Variants in RPS6KA5 observed in about 807,000 individuals in gnomAD.
RPS6KA5 encodes the protein ribosomal protein S6 kinase A5, also known as ribosomal protein S6 kinase alpha-5.
A neutral mutation model predicts 85.5 loss-of-function variants in RPS6KA5; 27 were observed. That is an observed-to-expected ratio of 0.32 (90% CI 0.23 to 0.44). The LOEUF (loss-of-function observed/expected upper bound fraction) is 0.44. RPS6KA5 is among the 20% of genes least tolerant of loss of function. The pLI is 1.00. For synonymous variants in RPS6KA5, 334 were observed against 348.2 expected (o/e 0.96, Z 0.46); for missense variants, 811 against 980.9 (o/e 0.83, Z 2.31).
chr14:90,998,857 T>A (rs952089179), intron 2 of RPS6KA5, among the ~76,000 whole-genome samples: 1 of 152,172 alleles, frequency 6.6e-6, no homozygotes, highest in Non-Finnish European at 1.5e-5. Flanking sequence ...AGGGAGGTTA[T>A]AAAGACCTCA....
intron 1 of RPS6KA5, among the ~76,000 whole-genome samples, chr14:91,044,271 GAGAA>G (rs1286161571): frequency 2.5e-4 from 3 of 11,920 alleles, no homozygotes; most frequent in Admixed American, 2.1e-3. Context: ...GGGAGAGAGA[GAGAA>G]AGAAAGAGAG....
At position 90,854,840 on chromosome 14, in the gene RPS6KA5, C is replaced by CA. The variant is rs1176643895; in HGVS notation, c.*17233dup. ...AAAAAATGTCAATACCTAGTTACTTCAAAAAATACCTTCAAAATGTTTACC... is the reference window on the plus strand; with the variant it reads ...AAAAAATGTCAATACCTAGTTACTTCAAAAAAATACCTTCAAAATGTTTACC... On this transcript the variant is annotated 3_prime_UTR_variant, in exon 17 of 17. Coordinates refer to ENST00000614987, the MANE Select transcript of RPS6KA5 (RefSeq NM_004755.4). 1 of 152,106 alleles carries CA rather than the reference C, an allele frequency of 6.6e-6. No homozygotes were observed. The highest frequency in any genetic ancestry group is 1.5e-5 in the Non-Finnish European group (1 of 68,004). The allele number at this position is 152,106 out of a possible 1,614,324, so 9.4% of individuals were successfully genotyped here.
rs914586268 is a variant in RPS6KA5 at position 90,848,437 on chromosome 14, T to C, written c.*23637A>G. The C allele has an allele frequency of 5.3e-5, 8 of 152,160 alleles. No individual in the cohort carries two copies. Among genetic ancestry groups the C allele is most frequent in the African/African-American group, 1.9e-4 (8 of 41,448 alleles). The allele number at this position is 152,160 out of a possible 1,614,324, so 9.4% of individuals were successfully genotyped here. ...GATTTTAAAAAACTACAATAAAGTA[T>C]ATAAATATGAAATTCAGAAAAGCAG... is the stretch of plus-strand genomic sequence containing the variant. On this transcript the variant is annotated 3_prime_UTR_variant, in exon 17 of 17. Transcript: ENST00000614987.
intron 1 of RPS6KA5, among the ~76,000 whole-genome samples, chr14:91,013,494 G>T (rs1347855244): frequency 6.6e-6 from 1 of 152,096 alleles, no homozygotes; most frequent in Non-Finnish European, 1.5e-5. Flanking sequence ...GGAAGGAAAA[G>T]CATACAGAAA....
chr14:90,888,415 C>A (rs1299709022), intron 14 of RPS6KA5, among the ~76,000 whole-genome samples: 2 of 152,100 alleles, frequency 1.3e-5, no homozygotes, highest in Non-Finnish European at 2.9e-5. Context: ...TTAAGACATG[C>A]TACTAATAAA....
At chr14:90,985,772 T>C (rs920731585) in intron 2 of RPS6KA5, among the ~76,000 whole-genome samples, 14 of 152,218 alleles carry the variant, frequency 9.2e-5, no homozygotes, top group African/African-American at 3.4e-4. Context: ...TTTACATGTG[T>C]ATTTCTGCAC....
Position 90,902,404 on chromosome 14 carries a change from G to A in RPS6KA5, c.1119+404C>T, listed in dbSNP as rs949773607. ...AGAGGCTAAGGTGAGAGGATCACTT[G>A]AGCCCAGGAGTCTGAGGCTGCAGTG... is the stretch of plus-strand genomic sequence containing the variant. On this transcript the variant is annotated intron_variant, in intron 9 of 16. Transcript: ENST00000614987. Among the ~76,000 whole-genome samples the A allele has an allele frequency of 2.0e-5, 3 of 152,072 alleles. 1 individual carries two copies. In the East Asian group the frequency reaches 5.8e-4, roughly 29 times the overall value.
At chr14:91,025,005 C>T (rs1323781792) in intron 1 of RPS6KA5, among the ~76,000 whole-genome samples, 1 of 151,890 alleles carries the variant, frequency 6.6e-6, no homozygotes, top group African/African-American at 2.4e-5. Flanking sequence ...CCTCAGCTTC[C>T]CAATAGCTGG....
At chr14:90,978,782 G>A (rs982215589) in intron 2 of RPS6KA5, among the ~76,000 whole-genome samples, 10 of 151,830 alleles carry the variant, frequency 6.6e-5, no homozygotes, top group Admixed American at 3.9e-4. Flanking sequence ...TATTCTCTCC[G>A]CAATATTTTT....
At position 90,860,948 on chromosome 14, in the gene RPS6KA5, A is replaced by T. The variant is rs1240234311; in HGVS notation, c.*11126T>A. ...CTCTTGTTGCCCAATCTGGAGTGCAATGGTGCGACCTTGGCTCACTGCAAC... is the reference window on the plus strand; with the variant it reads ...CTCTTGTTGCCCAATCTGGAGTGCATTGGTGCGACCTTGGCTCACTGCAAC... On this transcript the variant is annotated 3_prime_UTR_variant, in exon 17 of 17. Transcript: ENST00000614987. The T allele has an allele frequency of 2.0e-5, 3 of 149,774 alleles. No homozygotes were observed. The highest frequency in any genetic ancestry group is 7.4e-5 in the African/African-American group (3 of 40,536). 9.3% of individuals were successfully genotyped at this position (149,774 alleles called of 1,614,324 possible).
intron 1 of RPS6KA5, among the ~76,000 whole-genome samples, chr14:91,053,030 GAT>G (rs1158071285): frequency 1.3e-5 from 2 of 151,920 alleles, no homozygotes; most frequent in Non-Finnish European, 2.9e-5. Context: ...TGACAAACAA[GAT>G]TTATCCCAGG....
At chr14:91,053,510 A>G (rs2043180518) in intron 1 of RPS6KA5, among the ~76,000 whole-genome samples, 1 of 152,246 alleles carries the variant, frequency 6.6e-6, no homozygotes, top group Non-Finnish European at 1.5e-5. Context: ...CCAAGGTTGC[A>G]GGACACAAGG....
At chr14:91,060,244 C>T (rs1256690869) in intron 1 of RPS6KA5, 88 bp downstream of exon 1, 8 of 974,832 alleles carry the variant, frequency 8.2e-6, no homozygotes, top group African/African-American at 1.8e-5. Context: ...CGGCTGCGGC[C>T]CCGCGCCCCC....
chr14:90,906,145 T>C lies in RPS6KA5; in HGVS notation c.957+4A>G. The C allele has an allele frequency of 6.3e-7, 1 of 1,590,606 alleles. No individual in the cohort carries two copies. The highest frequency in any genetic ancestry group is 8.6e-7 in the Non-Finnish European group (1 of 1,163,750). On this transcript the variant is annotated splice_donor_region_variant and intron_variant, in intron 8 of 16. Coordinates refer to ENST00000614987, the MANE Select transcript of RPS6KA5 (RefSeq NM_004755.4). ...GAAACCATTTATCTATTCAATAATT[T>C]CACCTGAAAGAAGAGATGTTCTTTG...
intron 7 of RPS6KA5, among the ~76,000 whole-genome samples, chr14:90,910,570 T>C (rs2035751572): frequency 6.8e-6 from 1 of 146,502 alleles, no homozygotes; most frequent in African/African-American, 2.8e-5. Context: ...TGTGTTTTTG[T>C]GTGTTCACTA....
At chr14:91,035,465 A>T (rs1210799381) in intron 1 of RPS6KA5, among the ~76,000 whole-genome samples, 1 of 152,180 alleles carries the variant, frequency 6.6e-6, no homozygotes, top group Admixed American at 6.5e-5. Flanking sequence ...CCAAAATATT[A>T]TACATAAGTC....
intron 3 of RPS6KA5, 31 bp downstream of exon 3, chr14:90,978,275 C>A: frequency 6.6e-7 from 1 of 1,525,116 alleles, no homozygotes; most frequent in South Asian, 1.2e-5. Flanking sequence ...AAAGTGTTTT[C>A]ATAAAAAGTC....
chr14:90,893,911 C>T (rs563961517), intron 13 of RPS6KA5: 177 of 676,184 alleles, frequency 2.6e-4, no homozygotes, highest in Non-Finnish European at 3.0e-4. Context: ...TATTATAGCA[C>T]GATCATAGAA....
chr14:91,000,510 G>A (rs145392153), intron 2 of RPS6KA5, among the ~76,000 whole-genome samples: 207 of 152,250 alleles, frequency 1.4e-3, no homozygotes, highest in African/African-American at 4.7e-3. Context: ...AAAATATTGT[G>A]TCCTGGCTGG....
Sources: allele counts gnomAD v4.1 joint callset (sites outside exome capture counted in the v4.1 genomes callset), GRCh38; gene constraint gnomAD v4.1.1; transcripts MANE v1.5; gene names NCBI Gene and HGNC (gene_info 2026-07-23, HGNC 2026-07-21).